CD2AP: variants seen among roughly 807,000 people sequenced by gnomAD.
CD2AP encodes CD2 associated protein.
In CD2AP, 46 loss-of-function variants were observed where a neutral mutation model predicts 85.1. The observed-to-expected ratio is 0.54, with a 90% confidence interval of 0.43 to 0.69. CD2AP has a LOEUF of 0.69. Among genes scored for constraint, CD2AP ranks in the 30% least tolerant of loss-of-function variants. The pLI is 0.00. For synonymous variants in CD2AP, 255 were observed against 252.9 expected (o/e 1.01, Z -0.08); for missense variants, 769 against 729.5 (o/e 1.05, Z -0.62).
intron 5 of CD2AP, among the ~76,000 whole-genome samples, chr6:47,560,639 CTT>C (rs981407859): frequency 4.0e-4 from 61 of 152,040 alleles, no homozygotes; most frequent in African/African-American, 1.4e-3. Context: ...GTGACGATGT[CTT>C]ATGTAATATT....
chr6:47,539,157 A>G (rs530428047), intron 3 of CD2AP, among the ~76,000 whole-genome samples: 1 of 152,358 alleles, frequency 6.6e-6, no homozygotes, highest in South Asian at 2.1e-4. Context: ...GATGATAGTC[A>G]TAATTTTCTT....
chr6:47,621,494 C>G (rs1016048896), intron 17 of CD2AP, among the ~76,000 whole-genome samples: 1 of 152,096 alleles, frequency 6.6e-6, no homozygotes, highest in Non-Finnish European at 1.5e-5. Flanking sequence ...AGATACTGGT[C>G]TGTAGTTTTC....
chr6:47,573,484 GTTTTTTT>G (rs765430650), intron 5 of CD2AP, among the ~76,000 whole-genome samples: 1 of 94,692 alleles, frequency 1.1e-5, no homozygotes, highest in African/African-American at 4.3e-5. Context: ...CATGCTGTGT[GTTTTTTT>G]TTTTTTTTTT....
chr6:47,487,137 G>A (rs1181811211), intron 1 of CD2AP, among the ~76,000 whole-genome samples: 7 of 152,132 alleles, frequency 4.6e-5, no homozygotes, highest in Non-Finnish European at 1.0e-4. Context: ...CATTTAAGAG[G>A]AAGAATTCAT....
intron 5 of CD2AP, among the ~76,000 whole-genome samples, chr6:47,568,027 G>A (rs1042166250): frequency 1.3e-5 from 2 of 152,130 alleles, no homozygotes; most frequent in African/African-American, 2.4e-5. Flanking sequence ...GGAGAGACAC[G>A]TGTAGAATAG....
chr6:47,564,426 T>G (rs1429158599), intron 5 of CD2AP, among the ~76,000 whole-genome samples: 1 of 152,160 alleles, frequency 6.6e-6, no homozygotes, highest in African/African-American at 2.4e-5. Flanking sequence ...ATATTTGAAT[T>G]TAGTTCATTA....
chr6:47,544,797 T>C, intron 4 of CD2AP, 91 bp downstream of exon 4: 2 of 783,646 alleles, frequency 2.6e-6, no homozygotes, highest in Admixed American at 4.0e-5. Flanking sequence ...TAGTCTTTTG[T>C]GAGAACTGTT....
At chr6:47,505,588 C>A (rs112511535) in intron 2 of CD2AP, among the ~76,000 whole-genome samples, 9 of 137,008 alleles carry the variant, frequency 6.6e-5, no homozygotes, top group Admixed American at 9.0e-5. Flanking sequence ...GCGCCCCTCA[C>A]CTCCCGGACG....
intron 2 of CD2AP, among the ~76,000 whole-genome samples, chr6:47,504,220 C>T (rs1766069315): frequency 6.6e-6 from 1 of 152,244 alleles, no homozygotes; most frequent in Non-Finnish European, 1.5e-5. Flanking sequence ...AGTTTTCTTA[C>T]ATCCAGCTTC....
chr6:47,497,306 T>TTTTCC lies in CD2AP; in HGVS notation c.5-5948_5-5944dup, dbSNP rs760711476. ...TTCCCTTTTCCTGTTCCCGTTCCCT[T>TTTTCC]TTTCCTTTCCTTTCCTTTCCTTTCC... On this transcript the variant is annotated intron_variant, in intron 1 of 17. Coordinates refer to ENST00000359314, the MANE Select transcript of CD2AP (RefSeq NM_012120.3). Among the ~76,000 whole-genome samples the TTTTCC allele has an allele frequency of 8.4e-3, 866 of 102,738 alleles. 12 individuals are homozygous for TTTTCC. Among genetic ancestry groups the TTTTCC allele is most frequent in the East Asian group, 0.022 (96 of 4,370 alleles). 67.4% of individuals were successfully genotyped at this position (102,738 alleles called of 152,430 possible).
intron 5 of CD2AP, among the ~76,000 whole-genome samples, chr6:47,557,162 T>A (rs1425628396): frequency 7.4e-6 from 1 of 135,518 alleles, no homozygotes; most frequent in East Asian, 2.0e-4. Flanking sequence ...GCCCACCTTT[T>A]GATGGAGTTT....
chr6:47,615,796 T>A (rs531002014), intron 17 of CD2AP, among the ~76,000 whole-genome samples: 2,071 of 121,518 alleles, frequency 0.017, 29 homozygotes, highest in African/African-American at 0.043. Context: ...TAATTTAATT[T>A]ATTTATTTAT....
intron 3 of CD2AP, among the ~76,000 whole-genome samples, chr6:47,535,634 A>G (rs578236838): frequency 1.3e-5 from 2 of 152,324 alleles, no homozygotes; most frequent in East Asian, 3.9e-4. Context: ...GAATATTTGC[A>G]TATTATATAT....
At chr6:47,604,563 T>C (rs781034305) in intron 13 of CD2AP, among the ~76,000 whole-genome samples, 16 of 152,094 alleles carry the variant, frequency 1.1e-4, no homozygotes, top group Non-Finnish European at 2.2e-4. Flanking sequence ...GATTGGATTG[T>C]ACTTGTTAAG....
Position 47,506,794 on chromosome 6 carries a change from GGAGGGAGAGGGAGAGGGAGAGGGA to G in CD2AP, c.165+3388_165+3411del, listed in dbSNP as rs765919738. Among the ~76,000 whole-genome samples, 582 of 80,178 alleles carry G rather than the reference GGAGGGAGAGGGAGAGGGAGAGGGA, an allele frequency of 7.3e-3. 12 individuals carry two copies. The highest frequency in any genetic ancestry group is 0.01 in the South Asian group (23 of 2,300). 52.6% of individuals were successfully genotyped at this position (80,178 alleles called of 152,430 possible). ...AGGGAGACCGTGGGGAGAGGGAGAC[GGAGGGAGAGGGAGAGGGAGAGGGA>G]GAGGGAGAGGGAGAGGGAGAGGGAG... On this transcript the variant is annotated intron_variant, in intron 2 of 17. Coordinates refer to ENST00000359314, the MANE Select transcript of CD2AP (RefSeq NM_012120.3).
chr6:47,589,379 T>TATACAC (rs144886557), intron 11 of CD2AP, among the ~76,000 whole-genome samples: 35 of 139,434 alleles, frequency 2.5e-4, no homozygotes, highest in African/African-American at 7.9e-4. Flanking sequence ...CTCTTGAATA[T>TATACAC]ACACACACAC....
chr6:47,513,878 A>AC (rs1373910300), intron 2 of CD2AP, among the ~76,000 whole-genome samples: 48 of 145,518 alleles, frequency 3.3e-4, no homozygotes, highest in Non-Finnish European at 7.6e-5. Flanking sequence ...CAGACTTTAA[A>AC]AAAAATTTTT....
chr6:47,547,555 A>T (rs996810590), intron 4 of CD2AP, among the ~76,000 whole-genome samples: 3 of 152,116 alleles, frequency 2.0e-5, no homozygotes, highest in Non-Finnish European at 2.9e-5. Context: ...GGCCTAAGAA[A>T]TGAGATAGTA....
At chr6:47,512,200 G>C (rs1210876949) in intron 2 of CD2AP, among the ~76,000 whole-genome samples, 1 of 151,326 alleles carries the variant, frequency 6.6e-6, no homozygotes, top group African/African-American at 2.4e-5. Flanking sequence ...AAATTCGCCG[G>C]GAGTGGTGAC....
Sources: gnomAD v4.1 joint callset for allele counts (sites outside exome capture counted in the v4.1 genomes callset) on GRCh38, gnomAD v4.1.1 for gene constraint, MANE v1.5 for transcripts, NCBI Gene and HGNC (gene_info 2026-07-23, HGNC 2026-07-21) for gene names.